The following OTOF variants were observed in gnomAD, a reference collection of about 807,000 sequenced individuals.
The protein encoded by OTOF is otoferlin.
A neutral mutation model predicts 236.8 loss-of-function variants in OTOF; 218 were observed. That is an observed-to-expected ratio of 0.92 (90% CI 0.82 to 1.03). The LOEUF (loss-of-function observed/expected upper bound fraction) is 1.03, where lower values mean the gene tolerates loss of function less well. Ranked by LOEUF, OTOF falls within the 50% of genes least tolerant of loss-of-function variation. The pLI is 0.00. For synonymous variants in OTOF, 1,041 were observed against 1,072.5 expected, an observed-to-expected ratio of 0.97 and a Z score of 0.57; for missense variants, 2,590 against 2,694.4, an observed-to-expected ratio of 0.96 and a Z score of 0.86.
At chr2:26,467,587 C>T in intron 33 of OTOF, 86 bp from the exon 34 acceptor site, 1 of 1,443,666 alleles carries the variant, frequency 6.9e-7, no homozygotes, top group Non-Finnish European at 9.5e-7. Context: ...CGCTAATTTG[C>T]TTTACTAACT....
chr2:26,511,961 C>A (rs1666402416), intron 5 of OTOF, among the ~76,000 whole-genome samples: 1 of 152,214 alleles, frequency 6.6e-6, no homozygotes, highest in African/African-American at 2.4e-5. Context: ...GCCCCTCTGT[C>A]TCAGAGCCCC....
At chr2:26,506,969 G>A (rs1035751411) in intron 5 of OTOF, among the ~76,000 whole-genome samples, 6 of 152,182 alleles carry the variant, frequency 3.9e-5, no homozygotes, top group African/African-American at 1.4e-4. Flanking sequence ...CAGCCTGGGC[G>A]ACAGAGTGAG....
At chr2:26,533,392 A>G (rs1434961254) in intron 2 of OTOF, among the ~76,000 whole-genome samples, 1 of 151,974 alleles carries the variant, frequency 6.6e-6, no homozygotes, top group Admixed American at 6.5e-5. Context: ...TGGCTATTTC[A>G]CTTTCCCAGG....
chr2:26,527,542 G>A (rs375776750), intron 3 of OTOF, among the ~76,000 whole-genome samples: 94 of 152,324 alleles, frequency 6.2e-4, no homozygotes, highest in African/African-American at 2.2e-3. Flanking sequence ...AAAGCTTTAA[G>A]TCTTTAAGAC....
In OTOF at chr2:26,483,642, C is replaced by A; in HGVS notation, c.1212G>T (p.Leu404Phe). Reference sequence around the variant, plus strand: ...CGGGGGGCACCCCCTCGGGGAGCAGCAAGTTCCTGCCAGCACATACAGCCA... The same window carrying A: ...CGGGGGGCACCCCCTCGGGGAGCAGAAAGTTCCTGCCAGCACATACAGCCA... Reference protein sequence around the residue: ...ETDEDDIEGNLLLPEGVPPER... With the variant: ...ETDEDDIEGNFLLPEGVPPER... Residue 404 changes from leucine to phenylalanine, a missense_variant, in exon 13 of 47, where the codon TTG (leucine) becomes TTT (phenylalanine). By Grantham distance (22) the Leu-to-Phe change is conservative. Transcript: ENST00000272371. The A allele has an allele frequency of 1.2e-6, 2 of 1,612,028 alleles. No individual in the cohort carries two copies. Among genetic ancestry groups the A allele is most frequent in the Non-Finnish European group, 1.7e-6 (2 of 1,179,846 alleles).
At chr2:26,501,684 T>C (rs1398071272) in intron 8 of OTOF, 70 bp downstream of exon 8, 2 of 1,056,588 alleles carry the variant, frequency 1.9e-6, no homozygotes, top group Admixed American at 3.4e-5. Flanking sequence ...TAGTGGATAA[T>C]GCACATCCGG....
intron 32 of OTOF, 102 bp from the exon 33 acceptor site, chr2:26,468,576 A>G: frequency 1.2e-6 from 1 of 864,700 alleles, no homozygotes; most frequent in Non-Finnish European, 2.0e-6. Flanking sequence ...CACTAGAAGT[A>G]GAAAATCTTC....
chr2:26,459,543 C>T (rs1470861884), intron 46 of OTOF, among the ~76,000 whole-genome samples: 1 of 135,896 alleles, frequency 7.4e-6, no homozygotes, highest in South Asian at 2.3e-4. Flanking sequence ...CAGAGCGAGA[C>T]TCTGTCTCCA....
rs148532589 is a variant in OTOF at position 26,477,448 on chromosome 2, G to T, written c.2374C>A (p.Arg792=). The T allele has an allele frequency of 3.1e-6, 5 of 1,600,172 alleles. No homozygotes were observed. Among genetic ancestry groups the T allele is most frequent in the Middle Eastern group, 3.3e-4 (2 of 6,042 alleles). ...QGHSSRTRLD[R]ERLKSCMREL... The stretch of plus-strand genomic sequence containing the variant: ...CTCATGCAGGACTTGAGGCGCTCCC[G>T]GTCAAGCCTGGTGCGGGATGAGTGG... The change falls in exon 20 of 47, where the codon CGG becomes AGG. Residue 792 remains arginine (R), a synonymous_variant. Transcript: ENST00000272371. The surrounding 1 kb of genome is among the most constrained non-coding windows in gnomAD (Gnocchi z 4.7).
chr2:26,468,588 C>T (rs1359658466), intron 32 of OTOF, 114 bp from the exon 33 acceptor site: 2 of 820,228 alleles, frequency 2.4e-6, no homozygotes, highest in East Asian at 2.4e-5. Context: ...AAAATCTTCC[C>T]TACTGCATTT....
rs1393303476 is a variant in OTOF at position 26,473,570 on chromosome 2, G to A, written c.3409-3C>T. 2 of 1,600,662 alleles carry A rather than the reference G, an allele frequency of 1.2e-6. No homozygotes were observed. The highest frequency in any genetic ancestry group is 1.7e-6 in the Non-Finnish European group (2 of 1,175,960). ...TCCCGTAGGCCCCAGAACAGCACCTGGGAGAGGTTGGAGGGTGGGTGCAGA... is the reference window on the plus strand; with the variant it reads ...TCCCGTAGGCCCCAGAACAGCACCTAGGAGAGGTTGGAGGGTGGGTGCAGA... On this transcript the variant is annotated splice_polypyrimidine_tract_variant and splice_region_variant and intron_variant, in intron 27 of 46. Transcript: ENST00000272371. The surrounding 1 kb of genome is among the most constrained non-coding windows in gnomAD (Gnocchi z 7.2).
intron 32 of OTOF, among the ~76,000 whole-genome samples, chr2:26,469,709 C>A (rs1664891640): frequency 6.6e-6 from 1 of 152,212 alleles, no homozygotes; most frequent in African/African-American, 2.4e-5. Context: ...CAGCCTAACC[C>A]CCACTCTCTG....
chr2:26,517,642 T>C (rs933731624), intron 4 of OTOF, among the ~76,000 whole-genome samples: 1 of 152,184 alleles, frequency 6.6e-6, no homozygotes, highest in Non-Finnish European at 1.5e-5. Context: ...TATGTTGTTA[T>C]GGGAAAATGG....
At chr2:26,528,238 G>C (rs1666858207) in intron 2 of OTOF, among the ~76,000 whole-genome samples, 1 of 152,226 alleles carries the variant, frequency 6.6e-6, no homozygotes, top group Admixed American at 6.5e-5. Flanking sequence ...TGCTTCCATG[G>C]CCTCCCAGCT....
At chr2:26,466,566 A>G in intron 36 of OTOF, 148 bp downstream of exon 36, 1 of 902,202 alleles carries the variant, frequency 1.1e-6, no homozygotes, top group East Asian at 2.7e-5. Flanking sequence ...CGAACTCCTG[A>G]CCTCAGGTGA....
Position 26,466,990 on chromosome 2 carries a change from G to C in OTOF, c.4362+109C>G, listed in dbSNP as rs551476477. The stretch of plus-strand genomic sequence containing the variant: ...AACTGCTGAGTCATGGGAGAGTCCA[G>C]GGCTTCTGGAGGCAGTGGCCGGGGC... On this transcript the variant is annotated intron_variant, in intron 35 of 46. Transcript: ENST00000272371. 1.7e-5 allele frequency: 26 copies of C among 1,567,048 alleles called. No individual in the cohort carries two copies. The East Asian group carries it at 5.6e-4, about 34-fold the overall frequency.
At chr2:26,488,556 G>T (rs1160270957) in intron 11 of OTOF, among the ~76,000 whole-genome samples, 1 of 152,226 alleles carries the variant, frequency 6.6e-6, no homozygotes, top group African/African-American at 2.4e-5. Context: ...CAAAAGCCTG[G>T]GGCTCTTGTA....
intron 32 of OTOF, among the ~76,000 whole-genome samples, chr2:26,468,731 G>C (rs1192020799): frequency 6.6e-6 from 1 of 152,178 alleles, no homozygotes; most frequent in African/African-American, 2.4e-5. Flanking sequence ...CATAAAAAAG[G>C]ATGAGTTCAT....
intron 3 of OTOF, among the ~76,000 whole-genome samples, chr2:26,524,539 A>G (rs11690820): frequency 0.38 from 57,778 of 152,072 alleles, 13,160 homozygotes; most frequent in Middle Eastern, 0.54. Flanking sequence ...AACACCTAAT[A>G]GAAGCTGTAA....
Sources: gnomAD v4.1 joint callset for allele counts (sites outside exome capture counted in the v4.1 genomes callset) on GRCh38, gnomAD v4.1.1 for gene constraint, Gnocchi (gnomAD v3.1) non-coding constraint, MANE v1.5 for transcripts, NCBI Gene and HGNC (gene_info 2026-07-23, HGNC 2026-07-21) for gene names.